EPB41: variants seen among roughly 807,000 people sequenced by gnomAD.
EPB41 encodes protein 4.1.
In EPB41, 65 loss-of-function variants were observed where a neutral mutation model predicts 108.0. That is an observed-to-expected ratio of 0.60 (90% CI 0.49 to 0.74). The LOEUF (loss-of-function observed/expected upper bound fraction) is 0.74, where lower values mean the gene tolerates loss of function less well. Among genes scored for constraint, EPB41 ranks in the 30% least tolerant of loss-of-function variants. The pLI is 0.00. For synonymous variants in EPB41, 336 were observed against 358.9 expected (o/e 0.94, Z 0.72); for missense variants, 875 against 1,037.0 (o/e 0.84, Z 2.15).
intron 1 of EPB41, among the ~76,000 whole-genome samples, chr1:28,915,475 A>G (rs997541915): frequency 5.3e-5 from 8 of 152,082 alleles, no homozygotes; most frequent in African/African-American, 1.2e-4. Flanking sequence ...CCAGCAGGCC[A>G]TTATTCCTGG....
chr1:29,105,994 C>G (rs1227935813), intron 17 of EPB41, among the ~76,000 whole-genome samples: 1 of 152,136 alleles, frequency 6.6e-6, no homozygotes, highest in African/African-American at 2.4e-5. Flanking sequence ...AGGCAATCCA[C>G]CTGCCTCGGC....
intron 17 of EPB41, among the ~76,000 whole-genome samples, chr1:29,098,871 A>G (rs1366957346): frequency 1.3e-5 from 2 of 151,556 alleles, no homozygotes; most frequent in African/African-American, 4.8e-5. Flanking sequence ...CTCAGCCTCT[A>G]CAGTCATGTG....
Position 29,018,495 on chromosome 1 carries a change from C to T in EPB41, c.1124+53C>T, listed in dbSNP as rs1244882954. 2.8e-6 allele frequency: 4 copies of T among 1,428,736 alleles called. No homozygotes were observed. The highest frequency in any genetic ancestry group is 5.8e-5 in the African/African-American group (2 of 34,582). The allele number at this position is 1,428,736 out of a possible 1,614,324, so 88.5% of individuals were successfully genotyped here. The stretch of plus-strand genomic sequence containing the variant: ...TGTTTGTTTTGGCGATTAGTTTAAA[C>T]ACAACATGGTATTGGTTCATTGTTT... On this transcript the variant is annotated intron_variant, in intron 7 of 20. Transcript: ENST00000343067. The surrounding 1 kb of genome is among the most constrained non-coding windows in gnomAD (Gnocchi z 4.4).
At chr1:28,939,723 G>A (rs1476696250) in intron 1 of EPB41, among the ~76,000 whole-genome samples, 12 of 152,174 alleles carry the variant, frequency 7.9e-5, no homozygotes. Flanking sequence ...GATTACAGGC[G>A]TGAGCCATCG....
chr1:28,929,842 T>G (rs1030448215), intron 1 of EPB41, among the ~76,000 whole-genome samples: 1 of 127,386 alleles, frequency 7.9e-6, no homozygotes, highest in African/African-American at 3.5e-5. Context: ...CACTGGGCCT[T>G]CTTTTTTTTT....
At chr1:28,970,583 T>A (rs2095471291) in intron 1 of EPB41, among the ~76,000 whole-genome samples, 1 of 152,200 alleles carries the variant, frequency 6.6e-6, no homozygotes, top group Non-Finnish European at 1.5e-5. Context: ...AATTATTCCA[T>A]TGTTTTATGT....
intron 1 of EPB41, among the ~76,000 whole-genome samples, chr1:28,905,766 G>T (rs1326210278): frequency 2.0e-5 from 3 of 151,738 alleles, no homozygotes; most frequent in Non-Finnish European, 4.4e-5. Flanking sequence ...AACTAAGGCT[G>T]CAACTTATTT....
At chr1:28,940,890 G>A (rs972065464) in intron 1 of EPB41, among the ~76,000 whole-genome samples, 5 of 152,016 alleles carry the variant, frequency 3.3e-5, no homozygotes, top group Non-Finnish European at 7.4e-5. Context: ...ATAAGAAAAC[G>A]AAAGCACTGA....
intron 4 of EPB41, among the ~76,000 whole-genome samples, chr1:29,008,007 A>G (rs548083915): frequency 8.5e-5 from 13 of 152,252 alleles, no homozygotes; most frequent in Non-Finnish European, 1.8e-4. Context: ...AAGATACTTT[A>G]AACATATACC....
chr1:28,996,404 T>C (rs573961791), intron 3 of EPB41, among the ~76,000 whole-genome samples: 2 of 152,260 alleles, frequency 1.3e-5, no homozygotes, highest in Non-Finnish European at 2.9e-5. Context: ...CTGAAAGAGA[T>C]TGTAGGGAGT....
chr1:29,100,509 A>G (rs1450428096), intron 17 of EPB41, among the ~76,000 whole-genome samples: 1 of 147,880 alleles, frequency 6.8e-6, no homozygotes, highest in Non-Finnish European at 1.5e-5. Context: ...GTGCATTGCA[A>G]TTAGAAAAAA....
intron 17 of EPB41, among the ~76,000 whole-genome samples, chr1:29,108,309 C>T (rs12093597): frequency 0.12 from 18,169 of 151,286 alleles, 1,463 homozygotes; most frequent in African/African-American, 0.24. Flanking sequence ...CCACCACACC[C>T]GGCTAATTTT....
chr1:28,984,260 A>T (rs1257115828), intron 1 of EPB41, among the ~76,000 whole-genome samples: 1 of 152,166 alleles, frequency 6.6e-6, no homozygotes, highest in African/African-American at 2.4e-5. Context: ...ACAGGGATAT[A>T]AAGTCTCACT....
chr1:29,038,199 AT>A (rs1640229601), intron 10 of EPB41, among the ~76,000 whole-genome samples: 1 of 152,348 alleles, frequency 6.6e-6, no homozygotes, highest in African/African-American at 2.4e-5. Context: ...ATGAGGGTAC[AT>A]TTTACACCCA....
intron 1 of EPB41, among the ~76,000 whole-genome samples, chr1:28,935,475 C>T (rs550085477): frequency 2.5e-5 from 1 of 39,814 alleles, no homozygotes; most frequent in African/African-American, 9.1e-5. Context: ...ACACCCCCCC[C>T]CCCCCAAGAT....
rs1479146860 is a variant in EPB41 at position 29,074,888 on chromosome 1, G to A, written c.2184+9730G>A. On this transcript the variant is annotated intron_variant, in intron 16 of 20. Transcript: ENST00000343067. Reference sequence around the variant, plus strand: ...AAAATCTTTTGTGTGTCCAGGCGCGGTGGCTCACGCCTATAATCCCAGCAC... The same window carrying A: ...AAAATCTTTTGTGTGTCCAGGCGCGATGGCTCACGCCTATAATCCCAGCAC... 2.6e-5 allele frequency among the ~76,000 whole-genome samples: 4 copies of A among 152,352 alleles called. No individual in the cohort carries two copies. The East Asian group carries it at 5.8e-4, about 22-fold the overall frequency.
intron 7 of EPB41, among the ~76,000 whole-genome samples, chr1:29,023,850 C>CT (rs1383715805): frequency 6.6e-6 from 1 of 152,046 alleles, no homozygotes; most frequent in African/African-American, 2.4e-5. Context: ...GTTAGCCTTT[C>CT]TTTAAATTCA....
At chr1:29,004,937 G>A (rs1008409340) in intron 4 of EPB41, among the ~76,000 whole-genome samples, 2 of 152,152 alleles carry the variant, frequency 1.3e-5, no homozygotes, top group Non-Finnish European at 2.9e-5. Context: ...ATGTGTATGC[G>A]TGGGGGTTTT....
intron 11 of EPB41, among the ~76,000 whole-genome samples, chr1:29,051,088 G>GTTTTT (rs71586885): frequency 5.8e-5 from 3 of 51,584 alleles, no homozygotes; most frequent in Non-Finnish European, 9.7e-5. Context: ...TTCTTTTTCT[G>GTTTTT]TTTTTTTTTT....
Sources: gnomAD v4.1 joint callset for allele counts (sites outside exome capture counted in the v4.1 genomes callset) on GRCh38, gnomAD v4.1.1 for gene constraint, Gnocchi (gnomAD v3.1) non-coding constraint, MANE v1.5 for transcripts, NCBI Gene and HGNC (gene_info 2026-07-23, HGNC 2026-07-21) for gene names.